RNPEP: variants seen among roughly 807,000 people sequenced by gnomAD.
RNPEP encodes aminopeptidase B.
RNPEP carries 57 observed loss-of-function variants against 70.1 expected under a neutral mutation model. The observed-to-expected ratio is 0.81, with a 90% confidence interval of 0.66 to 1.01. The LOEUF (loss-of-function observed/expected upper bound fraction) is 1.01, where lower values mean the gene tolerates loss of function less well. RNPEP is among the 50% of genes least tolerant of loss of function. The pLI, the probability that RNPEP is intolerant of heterozygous loss-of-function variation, is 0.00. For missense variants in RNPEP, 787 were observed against 852.4 expected (o/e 0.92, Z 0.96); for synonymous variants, 335 against 357.4 (o/e 0.94, Z 0.71).
chr1:202,001,866 C>A (rs1020269046), intron 8 of RNPEP, 99 bp downstream of exon 8: 3 of 811,448 alleles, frequency 3.7e-6, no homozygotes, highest in Non-Finnish European at 6.2e-6. Flanking sequence ...AACACTGGGT[C>A]AGAGTCAGCT....
intron 8 of RNPEP, 167 bp from the exon 9 acceptor site, chr1:202,003,070 C>G (rs1683896462): frequency 5.0e-6 from 3 of 605,276 alleles, no homozygotes; most frequent in South Asian, 4.2e-5. Flanking sequence ...GTCGTTATAA[C>G]TAGGACCCTG....
In RNPEP at chr1:202,004,380, T is replaced by C; in HGVS notation, c.1678T>C (p.Tyr560His). 6.2e-7 allele frequency: 1 copy of C among 1,614,134 alleles called. No homozygotes were observed. Among genetic ancestry groups the C allele is most frequent in the Non-Finnish European group, 8.5e-7 (1 of 1,180,036 alleles). The change falls in exon 10 of 11, where the codon TAC becomes CAC. Residue 560 changes from tyrosine to histidine, a missense_variant. Tyr to His is a moderately conservative substitution (Grantham distance 83, BLOSUM62 2). Transcript: ENST00000295640. The stretch of plus-strand genomic sequence containing the variant: ...GAATGTGAAAAAACTTGGAGACACA[T>C]ACCCAAGTATCTCAAATGCCCGGAA... Reference protein sequence around the residue: ...PGNVKKLGDTYPSISNARNAE... With the variant: ...PGNVKKLGDTHPSISNARNAE...
At chr1:201,993,043 G>A (rs552607525) in intron 3 of RNPEP, among the ~76,000 whole-genome samples, 25 of 152,236 alleles carry the variant, frequency 1.6e-4, no homozygotes, top group African/African-American at 5.5e-4. Context: ...TAAGCAGAAG[G>A]TCTTGTCTCC....
chr1:201,990,386 A>C (rs1027741177), intron 3 of RNPEP, among the ~76,000 whole-genome samples: 1 of 152,260 alleles, frequency 6.6e-6, no homozygotes, highest in Non-Finnish European at 1.5e-5. Context: ...GATCTTGTGA[A>C]GATAAAAAGG....
rs1191248591 is a variant in RNPEP at position 201,982,748 on chromosome 1, G to T, written c.82G>T (p.Ala28Ser). The change falls in exon 1 of 11, where the codon GCC becomes TCC. Residue 28 changes from alanine to serine, a missense_variant. Ala to Ser is a moderately conservative substitution (Grantham distance 99). Transcript: ENST00000295640. ...HSAQAVDVAS[A>S]SNFRAFELLH... ...CGCGCAGGCTGTGGACGTGGCCTCG[G>T]CCTCCAACTTCCGGGCCTTTGAGCT... The T allele has an allele frequency of 7.3e-7, 1 of 1,377,294 alleles. No homozygotes were observed. Among genetic ancestry groups the T allele is most frequent in the Admixed American group, 3.9e-5 (1 of 25,932 alleles). The allele number at this position is 1,377,294 out of a possible 1,614,324, so 85.3% of individuals were successfully genotyped here. A position where few individuals can be genotyped will look rare whatever the true frequency, so the allele number is the denominator to read the frequency against.
intron 8 of RNPEP, among the ~76,000 whole-genome samples, chr1:202,002,000 G>A (rs1683837194): frequency 1.3e-5 from 2 of 151,976 alleles, no homozygotes; most frequent in Non-Finnish European, 2.9e-5. Context: ...CTCTCACCTG[G>A]ACACACAGTC....
At chr1:201,999,874 C>G (rs1464853027) in intron 5 of RNPEP, 28 bp from the exon 6 acceptor site, 1 of 1,587,358 alleles carries the variant, frequency 6.3e-7, no homozygotes, top group African/African-American at 1.3e-5. Context: ...AGACGTTTTC[C>G]CGAGGCTTAC....
Position 201,982,689 on chromosome 1 carries a change from C to T in RNPEP, c.23C>T (p.Pro8Leu). 1 of 1,392,530 alleles carries T rather than the reference C, an allele frequency of 7.2e-7. No homozygotes were observed. The highest frequency in any genetic ancestry group is 9.4e-7 in the Non-Finnish European group (1 of 1,067,360). 86.3% of individuals were successfully genotyped at this position (1,392,530 alleles called of 1,614,324 possible). A position where few individuals can be genotyped will look rare whatever the true frequency, so the allele number is the denominator to read the frequency against. The stretch of plus-strand genomic sequence containing the variant: ...GCCATGGCGAGCGGCGAGCATTCCC[C>T]CGGCAGCGGCGCGGCCCGGCGGCCG... MASGEHS[P>L]GSGAARRPLH... Residue 8 changes from proline (P) to leucine (L), a missense_variant, in exon 1 of 11, where the codon CCC becomes CTC. Pro to Leu is a moderately conservative substitution (Grantham distance 98). Transcript: ENST00000295640.
chr1:202,000,809 G>A (rs1281103217), intron 6 of RNPEP, among the ~76,000 whole-genome samples: 6 of 151,502 alleles, frequency 4.0e-5, no homozygotes, highest in South Asian at 2.1e-4. Context: ...CAGGAGAATC[G>A]CTCGACCCCA....
intron 6 of RNPEP, chr1:202,001,116 G>C: frequency 2.2e-6 from 1 of 457,374 alleles, no homozygotes; most frequent in East Asian, 4.0e-5. Flanking sequence ...CTGAGATCTT[G>C]GAAGTACCTT....
At chr1:201,996,371 C>T in intron 4 of RNPEP, 108 bp downstream of exon 4, 6 of 797,136 alleles carry the variant, frequency 7.5e-6, no homozygotes, top group South Asian at 6.1e-5. Flanking sequence ...GCAAAGTTTC[C>T]CTGATCCCAG....
chr1:201,982,702 G>A lies in RNPEP; in HGVS notation c.36G>A (p.Ala12=). Residue 12 remains alanine (A), a synonymous_variant, in exon 1 of 11, where the codon GCG becomes GCA. Coordinates refer to ENST00000295640, the MANE Select transcript of RNPEP (RefSeq NM_020216.4). ...ASGEHSPGSG[A]ARRPLHSAQA... is the part of the protein sequence containing the mutation. ...GCGAGCATTCCCCCGGCAGCGGCGC[G>A]GCCCGGCGGCCGCTGCACTCCGCGC... is the stretch of plus-strand genomic sequence containing the variant. 7.2e-7 allele frequency: 1 copy of A among 1,396,698 alleles called. No individual in the cohort carries two copies. The highest frequency in any genetic ancestry group is 9.4e-7 in the Non-Finnish European group (1 of 1,069,354). The allele number at this position is 1,396,698 out of a possible 1,614,324, so 86.5% of individuals were successfully genotyped here.
Position 201,982,902 on chromosome 1 carries a change from G to A in RNPEP, c.236G>A (p.Arg79Gln), listed in dbSNP as rs1383703025. Residue 79 changes from arginine to glutamine, a missense_variant, in exon 1 of 11, where the codon CGG (arginine) becomes CAG (glutamine). Transcript: ENST00000295640. ...CLEPEGAAEL[R>Q]LDSHPCLEVT... The stretch of plus-strand genomic sequence containing the variant: ...GAGCCCGAGGGCGCCGCCGAGCTGC[G>A]GCTGGACTCGCACCCGTGCCTGGAG... 3 of 1,446,988 alleles carry A rather than the reference G, an allele frequency of 2.1e-6. No individual in the cohort carries two copies. Among genetic ancestry groups the A allele is most frequent in the Non-Finnish European group, 2.7e-6 (3 of 1,105,588 alleles). The allele number at this position is 1,446,988 out of a possible 1,614,324, so 89.6% of individuals were successfully genotyped here.
chr1:201,984,182 G>A (rs1438623895), intron 1 of RNPEP, among the ~76,000 whole-genome samples: 1 of 152,076 alleles, frequency 6.6e-6, no homozygotes, highest in Non-Finnish European at 1.5e-5. Context: ...CGCCTGCCTC[G>A]GCGGCCTCCC....
In RNPEP at chr1:202,001,424, T is replaced by C; in HGVS notation, c.1253T>C (p.Phe418Ser). ...TYNETPYEKG[F>S]CFVSYLAHLV... is the part of the protein sequence containing the mutation. ...AATGAGACCCCCTACGAGAAAGGTT[T>C]CTGCTTTGTTTCATACCTGGCCCAC... is the stretch of plus-strand genomic sequence containing the variant. Residue 418 changes from phenylalanine to serine, a missense_variant, in exon 7 of 11, where the codon TTC (phenylalanine) becomes TCC (serine). Transcript: ENST00000295640. 1 of 1,614,026 alleles carries C rather than the reference T, an allele frequency of 6.2e-7. No homozygotes were observed. Among genetic ancestry groups the C allele is most frequent in the Non-Finnish European group, 8.5e-7 (1 of 1,179,862 alleles).
intron 5 of RNPEP, among the ~76,000 whole-genome samples, chr1:201,998,065 T>G (rs1683632912): frequency 6.6e-6 from 1 of 152,060 alleles, no homozygotes; most frequent in Non-Finnish European, 1.5e-5. Context: ...GCCCAGCCCA[T>G]TAGATTTTCT....
intron 1 of RNPEP, among the ~76,000 whole-genome samples, chr1:201,984,247 A>G (rs1432994386): frequency 6.6e-6 from 1 of 152,164 alleles, no homozygotes; most frequent in Non-Finnish European, 1.5e-5. Context: ...GCTTGGTTTT[A>G]TACATTAGGG....
At chr1:201,983,451 G>T (rs1253946295) in intron 1 of RNPEP, 4 of 1,411,650 alleles carry the variant, frequency 2.8e-6, no homozygotes, top group South Asian at 2.4e-5. Context: ...AACATTTTCC[G>T]TGGCTTTCTA....
Position 201,982,902 on chromosome 1 carries a change from G to T in RNPEP, c.236G>T (p.Arg79Leu). 1 of 1,447,100 alleles carries T rather than the reference G, an allele frequency of 6.9e-7. No individual in the cohort carries two copies. Among genetic ancestry groups the T allele is most frequent in the Non-Finnish European group, 9.0e-7 (1 of 1,105,578 alleles). The allele number at this position is 1,447,100 out of a possible 1,614,324, so 89.6% of individuals were successfully genotyped here. ...CLEPEGAAEL[R>L]LDSHPCLEVT... ...GAGCCCGAGGGCGCCGCCGAGCTGC[G>T]GCTGGACTCGCACCCGTGCCTGGAG... Residue 79 changes from arginine to leucine, a missense_variant, in exon 1 of 11, where the codon CGG (arginine) becomes CTG (leucine). Physicochemically the swap from Arg to Leu is moderately radical, Grantham distance 102. Coordinates refer to ENST00000295640, the MANE Select transcript of RNPEP (RefSeq NM_020216.4).
Sources: allele counts gnomAD v4.1 joint callset (sites outside exome capture counted in the v4.1 genomes callset), GRCh38; gene constraint gnomAD v4.1.1; transcripts MANE v1.5; gene names NCBI Gene and HGNC (gene_info 2026-07-23, HGNC 2026-07-21).